ADAMTS18: variants seen among roughly 807,000 people sequenced by gnomAD.
ADAMTS18 encodes the protein ADAM metallopeptidase with thrombospondin type 1 motif 18, also known as A disintegrin and metalloproteinase with thrombospondin motifs 18.
Under a neutral mutation model 165.9 loss-of-function variants are expected in ADAMTS18, and 157 were observed. That is an observed-to-expected ratio of 0.95 (90% CI 0.83 to 1.08). The LOEUF is 1.08. Among genes scored for constraint, ADAMTS18 ranks in the 50% least tolerant of loss-of-function variants. The pLI is 0.00. For synonymous variants in ADAMTS18, 782 were observed against 578.2 expected, an observed-to-expected ratio of 1.35 and a Z score of -5.06; for missense variants, 2,040 against 1,534.0, an observed-to-expected ratio of 1.33 and a Z score of -5.51.
At chr16:77,375,551 T>C (rs2056937721) in intron 3 of ADAMTS18, among the ~76,000 whole-genome samples, 1 of 152,116 alleles carries the variant, frequency 6.6e-6, no homozygotes. Context: ...GATGGGGAAG[T>C]CCATGATGGA....
chr16:77,341,834 T>C (rs1462218583), intron 10 of ADAMTS18, 35 bp from the exon 11 acceptor site: 2 of 1,475,562 alleles, frequency 1.4e-6, no homozygotes, highest in African/African-American at 1.4e-5. Context: ...CTGTTAATGG[T>C]GATATACAAT....
At chr16:77,384,236 C>A (rs1428813912) in intron 3 of ADAMTS18, among the ~76,000 whole-genome samples, 1 of 152,228 alleles carries the variant, frequency 6.6e-6, no homozygotes, top group African/African-American at 2.4e-5. Context: ...TCCTCTACTT[C>A]TGGAGCTAAA....
chr16:77,391,229 A>G (rs142038967), intron 3 of ADAMTS18, among the ~76,000 whole-genome samples: 21 of 152,252 alleles, frequency 1.4e-4, no homozygotes, highest in Middle Eastern at 6.8e-3. Context: ...CAGGCCAGGC[A>G]TGATGGCTCA....
chr16:77,391,795 C>A (rs1178419618), intron 3 of ADAMTS18, among the ~76,000 whole-genome samples: 1 of 152,070 alleles, frequency 6.6e-6, no homozygotes, highest in East Asian at 1.9e-4. Context: ...AGGGGTCAGG[C>A]AAGGGGACCC....
intron 16 of ADAMTS18, among the ~76,000 whole-genome samples, chr16:77,315,421 G>A (rs1399321518): frequency 1.3e-5 from 2 of 152,172 alleles, no homozygotes; most frequent in African/African-American, 4.8e-5. Flanking sequence ...AAACATATAC[G>A]ATTGGAGCAA....
At chr16:77,357,110 T>C (rs937971731) in intron 8 of ADAMTS18, among the ~76,000 whole-genome samples, 33 of 86,796 alleles carry the variant, frequency 3.8e-4, no homozygotes, top group Admixed American at 3.7e-3. Context: ...TCTTAGACCA[T>C]ATATTTATAA....
intron 10 of ADAMTS18, among the ~76,000 whole-genome samples, chr16:77,342,938 G>A (rs1011248429): frequency 6.6e-6 from 1 of 152,108 alleles, no homozygotes; most frequent in Non-Finnish European, 1.5e-5. Context: ...GGAGAATGTT[G>A]CTGGCTTTGA....
At chr16:77,413,651 A>G (rs2057493158) in intron 3 of ADAMTS18, among the ~76,000 whole-genome samples, 1 of 152,186 alleles carries the variant, frequency 6.6e-6, no homozygotes, top group Non-Finnish European at 1.5e-5. Context: ...TTTTAAAACT[A>G]TAATTGCTTT....
intron 16 of ADAMTS18, among the ~76,000 whole-genome samples, chr16:77,302,677 G>T (rs1007678802): frequency 6.6e-6 from 1 of 152,130 alleles, no homozygotes; most frequent in Non-Finnish European, 1.5e-5. Flanking sequence ...AAATATAAAA[G>T]AACATTAGTT....
chr16:77,326,907 C>A (rs2056105160), intron 12 of ADAMTS18, among the ~76,000 whole-genome samples: 1 of 152,190 alleles, frequency 6.6e-6, no homozygotes, highest in Admixed American at 6.5e-5. Context: ...TCCATATGTA[C>A]TCAATGTTTA....
intron 4 of ADAMTS18, among the ~76,000 whole-genome samples, chr16:77,366,070 C>CT (rs1381160970): frequency 6.6e-6 from 1 of 152,108 alleles, no homozygotes; most frequent in Admixed American, 6.5e-5. Context: ...ATACCAAAAA[C>CT]TCAAAAACCA....
Position 77,308,138 on chromosome 16 carries a change from C to T in ADAMTS18, c.2533-7734G>A, listed in dbSNP as rs75427105. On this transcript the variant is annotated intron_variant, in intron 16 of 22. Coordinates refer to ENST00000282849, the MANE Select transcript of ADAMTS18 (RefSeq NM_199355.4). The stretch of plus-strand genomic sequence containing the variant: ...AGGAATGGGCTTTCAAAGAGTTAAA[C>T]GCCCTCTTCTTCTGCTAAACATAGA... Among the ~76,000 whole-genome samples the T allele has an allele frequency of 4.7e-3, 718 of 151,286 alleles. 4 individuals carry two copies. The highest frequency in any genetic ancestry group is 0.016 in the African/African-American group (675 of 41,302).
chr16:77,349,860 A>G (rs1211864156), intron 10 of ADAMTS18, among the ~76,000 whole-genome samples: 2 of 152,168 alleles, frequency 1.3e-5, no homozygotes, highest in East Asian at 3.9e-4. Flanking sequence ...AAGAATTTAA[A>G]TATCTTCCCC....
At position 77,321,108 on chromosome 16, in the gene ADAMTS18, C is replaced by A. The variant is rs1338155250; in HGVS notation, c.2258G>T (p.Gly753Val). 2 of 1,614,006 alleles carry A rather than the reference C, an allele frequency of 1.2e-6. No homozygotes were observed. Among genetic ancestry groups the A allele is most frequent in the Non-Finnish European group, 1.7e-6 (2 of 1,180,028 alleles). ...GDNSTCKFYK[G>V]LYLNQHKANE... ...TGCTTTATGCTGGTTGAGGTACAGG[C>A]CTTTATAAAACTTGCAAGTTGAATT... Residue 753 changes from glycine (G) to valine (V), a missense_variant, in exon 15 of 23, where the codon GGC becomes GTC. By Grantham distance (109) the Gly-to-Val change is moderately radical. Transcript: ENST00000282849.
intron 17 of ADAMTS18, among the ~76,000 whole-genome samples, chr16:77,299,810 T>TATCC (rs1433821131): frequency 1.3e-5 from 2 of 152,210 alleles, no homozygotes; most frequent in African/African-American, 4.8e-5. Context: ...CCTGAGGGGA[T>TATCC]ATCCATGTTT....
intron 14 of ADAMTS18, among the ~76,000 whole-genome samples, chr16:77,321,797 A>G (rs772341993): frequency 2.6e-5 from 4 of 152,194 alleles, no homozygotes; most frequent in Admixed American, 1.3e-4. Flanking sequence ...TATATGTGCA[A>G]GTAGAGTAAA....
chr16:77,376,966 C>A lies in ADAMTS18; in HGVS notation c.496-9243G>T, dbSNP rs9928884. 2.0e-3 allele frequency among the ~76,000 whole-genome samples: 299 copies of A among 152,094 alleles called. 2 individuals are homozygous for A. The highest frequency in any genetic ancestry group is 6.8e-3 in the African/African-American group (281 of 41,508). On this transcript the variant is annotated intron_variant, in intron 3 of 22. Coordinates refer to ENST00000282849, the MANE Select transcript of ADAMTS18 (RefSeq NM_199355.4). ...AGTAGCTGGGCTTACAAGCGCCCAC[C>A]ACCACTCTCGGCTAGGTTTTGTATT... is the stretch of plus-strand genomic sequence containing the variant.
intron 16 of ADAMTS18, among the ~76,000 whole-genome samples, chr16:77,314,610 C>G (rs1400217173): frequency 1.6e-5 from 1 of 61,812 alleles, no homozygotes; most frequent in Non-Finnish European, 3.3e-5. Flanking sequence ...AAAACTCTGT[C>G]TCAAAAAAAA....
At chr16:77,386,250 TC>T (rs1286893069) in intron 3 of ADAMTS18, among the ~76,000 whole-genome samples, 1 of 152,198 alleles carries the variant, frequency 6.6e-6, no homozygotes, top group Non-Finnish European at 1.5e-5. Flanking sequence ...TCAGAGCTCA[TC>T]ATCAACCTGG....
Sources: allele counts gnomAD v4.1 joint callset (sites outside exome capture counted in the v4.1 genomes callset), GRCh38; gene constraint gnomAD v4.1.1; transcripts MANE v1.5; gene names NCBI Gene and HGNC (gene_info 2026-07-23, HGNC 2026-07-21).